DYNC1I2: variants seen among roughly 807,000 people sequenced by gnomAD.
The protein encoded by DYNC1I2 is cytoplasmic dynein 1 intermediate chain 2.
Under a neutral mutation model 88.6 loss-of-function variants are expected in DYNC1I2, and 53 were observed. The ratio of observed to expected loss-of-function variants is 0.60; its 90% CI spans 0.48 to 0.75. The LOEUF is 0.75. DYNC1I2 is among the 30% of genes least tolerant of loss of function. The pLI is 0.00. For synonymous variants in DYNC1I2, 198 were observed against 254.6 expected (o/e 0.78, Z 2.12); for missense variants, 458 against 766.6 (o/e 0.60, Z 4.75).
chr2:171,699,954 C>T lies in DYNC1I2; in HGVS notation c.227-6593C>T, dbSNP rs535898729. ...AGTCTCTTCAGATTTTCTATTTCTT[C>T]TTATGTCTGTTTTTTTCTCCCCAAA... On this transcript the variant is annotated intron_variant, in intron 3 of 17. Coordinates refer to ENST00000397119, the MANE Select transcript of DYNC1I2 (RefSeq NM_001378.3). 3.3e-5 allele frequency among the ~76,000 whole-genome samples: 5 copies of T among 152,064 alleles called. No homozygotes were observed. In the East Asian group the frequency reaches 9.7e-4, roughly 29 times the overall value.
At chr2:171,719,325 A>G (rs568599717) in intron 7 of DYNC1I2, among the ~76,000 whole-genome samples, 2 of 152,176 alleles carry the variant, frequency 1.3e-5, no homozygotes, top group Non-Finnish European at 1.5e-5. Context: ...TGGAGCTCTT[A>G]CATTAAGTTT....
intron 15 of DYNC1I2, among the ~76,000 whole-genome samples, chr2:171,733,336 G>A (rs1432575066): frequency 6.6e-6 from 1 of 152,094 alleles, no homozygotes. Flanking sequence ...TAATGGGATT[G>A]CCTGGTCAAA....
chr2:171,716,904 TA>T (rs71013067), intron 7 of DYNC1I2, among the ~76,000 whole-genome samples: 142,081 of 145,968 alleles, frequency 0.97, 69,155 homozygotes, highest in East Asian at 0.98. Flanking sequence ...AGACTCCGTT[TA>T]AAAAAAAAAA....
intron 1 of DYNC1I2, among the ~76,000 whole-genome samples, chr2:171,689,882 C>CTTTTTTTTTTTTTTTT (rs10716223): frequency 1.8e-5 from 1 of 54,156 alleles, no homozygotes; most frequent in Admixed American, 2.8e-4. Context: ...TTTTTCTTGC[C>CTTTTTTTTTTTTTTTT]TTTTTTTTTT....
chr2:171,689,649 T>G (rs1297413027), intron 1 of DYNC1I2, among the ~76,000 whole-genome samples: 2 of 152,038 alleles, frequency 1.3e-5, no homozygotes, highest in African/African-American at 4.8e-5. Context: ...TAGGTAATAT[T>G]TATTATATAT....
In DYNC1I2 at chr2:171,748,079, A is replaced by AT; in HGVS notation, c.*196dup. ...ATGCATCTTGTTTTGGATTTGTGTC[A>AT]TTTTTTAATATAGCTGATTGACTTC... On this transcript the variant is annotated 3_prime_UTR_variant, in exon 18 of 18. Coordinates refer to ENST00000397119, the MANE Select transcript of DYNC1I2 (RefSeq NM_001378.3). 2.1e-6 allele frequency: 1 copy of AT among 483,366 alleles called. No homozygotes were observed. The highest frequency in any genetic ancestry group is 3.7e-6 in the Non-Finnish European group (1 of 269,206). 29.9% of individuals were successfully genotyped at this position (483,366 alleles called of 1,614,324 possible).
chr2:171,728,281 G>T, intron 12 of DYNC1I2, 24 bp from the exon 13 acceptor site: 1 of 1,430,308 alleles, frequency 7.0e-7, no homozygotes, highest in Non-Finnish European at 9.4e-7. Flanking sequence ...AATAATCCCT[G>T]AAAACTTTTT....
intron 15 of DYNC1I2, among the ~76,000 whole-genome samples, chr2:171,738,657 A>G (rs1689178482): frequency 6.6e-6 from 1 of 152,182 alleles, no homozygotes; most frequent in Non-Finnish European, 1.5e-5. Context: ...AACATTGCCT[A>G]AAAATAAGCT....
chr2:171,715,860 C>A (rs1687453444), intron 7 of DYNC1I2, among the ~76,000 whole-genome samples: 1 of 152,104 alleles, frequency 6.6e-6, no homozygotes, highest in South Asian at 2.1e-4. Context: ...ATACTGTACC[C>A]TGATGTTATT....
intron 5 of DYNC1I2, among the ~76,000 whole-genome samples, chr2:171,709,282 C>T (rs963673453): frequency 2.6e-5 from 4 of 152,168 alleles, no homozygotes; most frequent in Non-Finnish European, 4.4e-5. Context: ...TGAATTAAAA[C>T]ATGTCCCCAT....
chr2:171,702,411 G>A (rs1462313166), intron 3 of DYNC1I2, among the ~76,000 whole-genome samples: 1 of 152,144 alleles, frequency 6.6e-6, no homozygotes, highest in East Asian at 1.9e-4. Context: ...TACAAGTCCA[G>A]TATTTATTTG....
At chr2:171,713,429 TTTG>T (rs964827495) in intron 6 of DYNC1I2, among the ~76,000 whole-genome samples, 1 of 151,508 alleles carries the variant, frequency 6.6e-6, no homozygotes, top group African/African-American at 2.4e-5. Context: ...TTATTTTTGT[TTTG>T]TTTTTTGCTT....
At chr2:171,688,902 T>G (rs1027956265) in intron 1 of DYNC1I2, among the ~76,000 whole-genome samples, 3 of 152,170 alleles carry the variant, frequency 2.0e-5, no homozygotes, top group Non-Finnish European at 4.4e-5. Flanking sequence ...ATACTTCACT[T>G]GTACAGAGAC....
chr2:171,712,482 A>G (rs573705933), intron 5 of DYNC1I2: 13 of 301,558 alleles, frequency 4.3e-5, no homozygotes, highest in South Asian at 1.0e-4. Flanking sequence ...CAGATCTATT[A>G]TTATACAATA....
intron 10 of DYNC1I2, chr2:171,726,535 C>G (rs1456803220): frequency 5.5e-6 from 3 of 547,490 alleles, no homozygotes; most frequent in Non-Finnish European, 9.1e-6. Context: ...TTCAGTTGCT[C>G]ACCAAATCCT....
intron 5 of DYNC1I2, among the ~76,000 whole-genome samples, chr2:171,711,037 G>GTAT: frequency 7.1e-6 from 1 of 139,972 alleles, no homozygotes; most frequent in Non-Finnish European, 1.5e-5. Context: ...CCCCACGACA[G>GTAT]GCCCCGGTAT....
chr2:171,711,875 CTTTA>C (rs1687148435), intron 5 of DYNC1I2, among the ~76,000 whole-genome samples: 1 of 152,206 alleles, frequency 6.6e-6, no homozygotes, highest in African/African-American at 2.4e-5. Flanking sequence ...TTGTGCTTAA[CTTTA>C]TTTAGTGGGG....
intron 3 of DYNC1I2, among the ~76,000 whole-genome samples, chr2:171,699,089 A>G (rs1686008993): frequency 1.3e-5 from 2 of 152,134 alleles, no homozygotes; most frequent in South Asian, 4.1e-4. Context: ...CAGGCAGATC[A>G]TAAGGTCAGG....
intron 7 of DYNC1I2, among the ~76,000 whole-genome samples, chr2:171,722,489 A>G (rs1286545232): frequency 6.6e-6 from 1 of 152,080 alleles, no homozygotes; most frequent in Non-Finnish European, 1.5e-5. Context: ...TGGCAGCCCC[A>G]TTTTTCAGTC....
Sources: gnomAD v4.1 joint callset for allele counts (sites outside exome capture counted in the v4.1 genomes callset) on GRCh38, gnomAD v4.1.1 for gene constraint, MANE v1.5 for transcripts, NCBI Gene and HGNC (gene_info 2026-07-23, HGNC 2026-07-21) for gene names.